The following HTR5A variants were observed in gnomAD, a reference collection of about 807,000 sequenced individuals.
HTR5A encodes 5-HT-5.
HTR5A carries 21 observed loss-of-function variants against 24.3 expected under a neutral mutation model. That is an observed-to-expected ratio of 0.86 (90% CI 0.61 to 1.24). The LOEUF (loss-of-function observed/expected upper bound fraction) is 1.24, where lower values mean the gene tolerates loss of function less well. Among genes scored for constraint, HTR5A ranks in the 50% most tolerant of loss-of-function variants. The probability of loss-of-function intolerance (pLI) is 0.00; values close to 1 mark genes in which losing one functional copy is unlikely to be tolerated. For synonymous variants in HTR5A, 260 were observed against 213.7 expected (o/e 1.22, Z -1.89); for missense variants, 497 against 489.5 (o/e 1.02, Z -0.15).
At chr7:155,082,979 T>TA (rs1222518788) in intron 1 of HTR5A, among the ~76,000 whole-genome samples, 1 of 152,246 alleles carries the variant, frequency 6.6e-6, no homozygotes, top group Non-Finnish European at 1.5e-5. Context: ...GATGTTATAC[T>TA]GTTTTGCAAA....
At chr7:155,076,205 C>T (rs941125895) in intron 1 of HTR5A, among the ~76,000 whole-genome samples, 1 of 152,176 alleles carries the variant, frequency 6.6e-6, no homozygotes. Flanking sequence ...ATGGCAATGT[C>T]CACACTTCTC....
chr7:155,080,938 A>C (rs1309963051), intron 1 of HTR5A, among the ~76,000 whole-genome samples: 1 of 152,190 alleles, frequency 6.6e-6, no homozygotes, highest in Non-Finnish European at 1.5e-5. Context: ...GCTGACTTTC[A>C]GAAGTGAGGG....
At position 155,086,034 on chromosome 7, in the gene HTR5A, T is replaced by A. The variant is rs1795473153; in HGVS notation, c.*1547T>A. The stretch of plus-strand genomic sequence containing the variant: ...AATTTATTTAGAAACGTCCTTAGAT[T>A]TTTCATCTGTATATATCACTTGAAG... On this transcript the variant is annotated 3_prime_UTR_variant, in exon 2 of 2. Transcript: ENST00000287907. 6.6e-6 allele frequency among the ~76,000 whole-genome samples: 1 copy of A among 152,192 alleles called. No homozygotes were observed. The highest frequency in any genetic ancestry group is 2.4e-5 in the African/African-American group (1 of 41,464).
chr7:155,073,875 ATG>A (rs1491405040), intron 1 of HTR5A, among the ~76,000 whole-genome samples: 849 of 12,844 alleles, frequency 0.066, 36 homozygotes, highest in Non-Finnish European at 0.29. Flanking sequence ...GTATATATAT[ATG>A]TATATATATA....
At chr7:155,074,453 G>C (rs940711304) in intron 1 of HTR5A, 4 of 152,186 alleles carry the variant, frequency 2.6e-5, no homozygotes, top group African/African-American at 9.7e-5. Context: ...CTCACGGATT[G>C]GTGGATTTTT....
At chr7:155,080,370 G>A (rs1396642320) in intron 1 of HTR5A, among the ~76,000 whole-genome samples, 1 of 152,188 alleles carries the variant, frequency 6.6e-6, no homozygotes, top group Non-Finnish European at 1.5e-5. Context: ...CAAATCCTAG[G>A]ATAACAAAAT....
At position 155,070,462 on chromosome 7, in the gene HTR5A, A is replaced by G; in HGVS notation, c.-438A>G. On this transcript the variant is annotated 5_prime_UTR_variant, in exon 1 of 2. Coordinates refer to ENST00000287907, the MANE Select transcript of HTR5A (RefSeq NM_024012.4). ...AGGCTGCAGCCGGCTGCCTAGAGAGAAGGGTGGGCAGGGAGACAACGCGGT... is the reference window on the plus strand; with the variant it reads ...AGGCTGCAGCCGGCTGCCTAGAGAGGAGGGTGGGCAGGGAGACAACGCGGT... 2.4e-6 allele frequency: 1 copy of G among 419,644 alleles called. No homozygotes were observed. Among genetic ancestry groups the G allele is most frequent in the Non-Finnish European group, 4.7e-6 (1 of 210,860 alleles). The allele number at this position is 419,644 out of a possible 1,614,324, so 26.0% of individuals were successfully genotyped here.
chr7:155,082,273 C>G (rs982302753), intron 1 of HTR5A, among the ~76,000 whole-genome samples: 27 of 152,148 alleles, frequency 1.8e-4, no homozygotes, highest in Non-Finnish European at 3.7e-4. Flanking sequence ...ACAGTGTGAA[C>G]AGCATCCATG....
At position 155,085,571 on chromosome 7, in the gene HTR5A, T is replaced by C. The variant is rs962254568; in HGVS notation, c.*1084T>C. On this transcript the variant is annotated 3_prime_UTR_variant, in exon 2 of 2. Coordinates refer to ENST00000287907, the MANE Select transcript of HTR5A (RefSeq NM_024012.4). The stretch of plus-strand genomic sequence containing the variant: ...AATGCAGCCCCAGTCCTCTACAAAT[T>C]GACAGTATAATTTATGAGGTGAGGC... 3.3e-5 allele frequency: 5 copies of C among 151,464 alleles called. No homozygotes were observed. Among genetic ancestry groups the C allele is most frequent in the Non-Finnish European group, 7.4e-5 (5 of 68,016 alleles). The allele number at this position is 151,464 out of a possible 1,614,324, so 9.4% of individuals were successfully genotyped here.
rs1244495943 is a variant in HTR5A at position 155,085,290 on chromosome 7, T to G, written c.*803T>G. On this transcript the variant is annotated 3_prime_UTR_variant, in exon 2 of 2. Coordinates refer to ENST00000287907, the MANE Select transcript of HTR5A (RefSeq NM_024012.4). Reference sequence around the variant, plus strand: ...GAATCTGTCAGATTTGTTTATTTGCTACTGGTTTCACGCGCGTGGACTATA... The same window carrying G: ...GAATCTGTCAGATTTGTTTATTTGCGACTGGTTTCACGCGCGTGGACTATA... The G allele has an allele frequency of 1.0e-5, 1 of 98,132 alleles. No individual in the cohort carries two copies. Among genetic ancestry groups the G allele is most frequent in the African/African-American group, 2.7e-5 (1 of 37,138 alleles). 6.1% of individuals were successfully genotyped at this position (98,132 alleles called of 1,614,324 possible). A position where few individuals can be genotyped will look rare whatever the true frequency, so the allele number is the denominator to read the frequency against.
rs78154119 is a variant in HTR5A at position 155,075,724 on chromosome 7, G to A, written c.741+4084G>A. ...TATAGGGTAAACTCTTCCATGACTG[G>A]CCACAAGGAAACTGAAGGCTATTCT... On this transcript the variant is annotated intron_variant, in intron 1 of 1. Transcript: ENST00000287907. 5.6e-4 allele frequency among the ~76,000 whole-genome samples: 85 copies of A among 152,260 alleles called. 1 individual carries two copies. The East Asian group carries it at 0.015, about 27-fold the overall frequency.
chr7:155,081,643 G>A (rs1157739405), intron 1 of HTR5A, among the ~76,000 whole-genome samples: 1 of 152,198 alleles, frequency 6.6e-6, no homozygotes, highest in African/African-American at 2.4e-5. Flanking sequence ...GTAATTAATA[G>A]AGCGTTATTG....
chr7:155,073,591 A>G (rs1371821), intron 1 of HTR5A, among the ~76,000 whole-genome samples: 131,852 of 151,774 alleles, frequency 0.87, 60,213 homozygotes, highest in East Asian at 1. Context: ...CAAATTCCAG[A>G]CCAGGAACAA....
At chr7:155,075,415 C>T (rs79149122) in intron 1 of HTR5A, among the ~76,000 whole-genome samples, 3,525 of 152,206 alleles carry the variant, frequency 0.023, 134 homozygotes, top group African/African-American at 0.077. Flanking sequence ...TGTAAAGTTC[C>T]GAACAACAGA....
At position 155,070,741 on chromosome 7, in the gene HTR5A, C is replaced by T. The variant is rs1389976522; in HGVS notation, c.-159C>T. 1.0e-5 allele frequency: 8 copies of T among 764,592 alleles called. No homozygotes were observed. Among genetic ancestry groups the T allele is most frequent in the Middle Eastern group, 2.4e-4 (1 of 4,162 alleles). 47.4% of individuals were successfully genotyped at this position (764,592 alleles called of 1,614,324 possible). ...CCACACCATCTCCAACGGATGCTCA[C>T]TAGCAGGAAATTGGGGCCAAATTCA... On this transcript the variant is annotated 5_prime_UTR_variant, in exon 1 of 2. Transcript: ENST00000287907.
chr7:155,079,147 G>T (rs987365214), intron 1 of HTR5A, among the ~76,000 whole-genome samples: 22 of 151,950 alleles, frequency 1.4e-4, no homozygotes, highest in Non-Finnish European at 2.8e-4. Flanking sequence ...TGGAGATGGG[G>T]TCTCTCTATT....
At position 155,070,998 on chromosome 7, in the gene HTR5A, G is replaced by C; in HGVS notation, c.99G>C (p.Ser33=). The C allele has an allele frequency of 6.2e-7, 1 of 1,611,814 alleles. No homozygotes were observed. The highest frequency in any genetic ancestry group is 8.5e-7 in the Non-Finnish European group (1 of 1,180,018). Residue 33 remains serine, a synonymous_variant, in exon 1 of 2, where the codon TCG becomes TCC. Transcript: ENST00000287907. The part of the protein sequence containing the change: ...SLGKDDLRPS[S]PLLSVFGVLI... ...GCAAAGACGACCTGCGCCCCAGCTC[G>C]CCCCTGCTCTCGGTCTTCGGAGTGC...
In HTR5A at chr7:155,070,405, C is replaced by G. The variant is rs1009444419; in HGVS notation, c.-495C>G. On this transcript the variant is annotated 5_prime_UTR_variant, in exon 1 of 2. Coordinates refer to ENST00000287907, the MANE Select transcript of HTR5A (RefSeq NM_024012.4). ...GAAGGCAGGTCCCAGAAAGCAGGTT[C>G]CCCCAAAACTGGCTTCCCTAGCACG... The G allele has an allele frequency of 2.2e-6, 1 of 454,994 alleles. No homozygotes were observed. The highest frequency in any genetic ancestry group is 4.4e-6 in the Non-Finnish European group (1 of 226,544). 28.2% of individuals were successfully genotyped at this position (454,994 alleles called of 1,614,324 possible). A position where few individuals can be genotyped will look rare whatever the true frequency, so the allele number is the denominator to read the frequency against.
rs570394876 is a variant in HTR5A at position 155,086,625 on chromosome 7, A to T, written c.*2138A>T. On this transcript the variant is annotated 3_prime_UTR_variant, in exon 2 of 2. Transcript: ENST00000287907. ...ACTTAAATTATACATTATATACAAC[A>T]TACTCCACATACACTATCTAGAGCA... Among the ~76,000 whole-genome samples the T allele has an allele frequency of 6.6e-6, 1 of 152,340 alleles. No individual in the cohort carries two copies. Among genetic ancestry groups the T allele is most frequent in the East Asian group, 1.9e-4 (1 of 5,192 alleles).
Sources: allele counts gnomAD v4.1 joint callset (sites outside exome capture counted in the v4.1 genomes callset), GRCh38; gene constraint gnomAD v4.1.1; transcripts MANE v1.5; gene names NCBI Gene and HGNC (gene_info 2026-07-23, HGNC 2026-07-21).